Variants in ERBB4 observed in about 807,000 individuals in gnomAD.
ERBB4 encodes receptor tyrosine-protein kinase erbB-4.
In ERBB4, 42 loss-of-function variants were observed where a neutral mutation model predicts 158.0. That is an observed-to-expected ratio of 0.27 (90% CI 0.21 to 0.34). The LOEUF is 0.34. Among genes scored for constraint, ERBB4 ranks in the 10% least tolerant of loss-of-function variants. The pLI is 1.00. For synonymous variants in ERBB4, 583 were observed against 558.7 expected (o/e 1.04, Z -0.61); for missense variants, 1,333 against 1,624.1 (o/e 0.82, Z 3.08).
intron 2 of ERBB4, among the ~76,000 whole-genome samples, chr2:212,095,921 C>G (rs1363769449): frequency 7.8e-6 from 1 of 128,432 alleles, no homozygotes; most frequent in African/African-American, 2.9e-5. Context: ...GGCAACAGAG[C>G]GAGACTCTGT....
intron 2 of ERBB4, among the ~76,000 whole-genome samples, chr2:212,015,729 T>C (rs1575520220): frequency 6.6e-6 from 1 of 152,170 alleles, no homozygotes; most frequent in South Asian, 2.1e-4. Context: ...CAACCACCAA[T>C]AGTAAACTCA....
Position 212,118,069 on chromosome 2 carries a change from G to A in ERBB4, c.234+6683C>T, listed in dbSNP as rs187910395. Among the ~76,000 whole-genome samples the A allele has an allele frequency of 2.7e-4, 41 of 152,282 alleles. No homozygotes were observed. In the East Asian group the frequency reaches 6.6e-3, roughly 24 times the overall value. On this transcript the variant is annotated intron_variant, in intron 2 of 27. Transcript: ENST00000342788. ...CCCGGACACAGAGTTAAAAGTACAT[G>A]AGGAAGATATGGAAAACAGACACAA... is the stretch of plus-strand genomic sequence containing the variant.
At chr2:211,838,438 A>C (rs2105991263) in intron 3 of ERBB4, among the ~76,000 whole-genome samples, 1 of 152,214 alleles carries the variant, frequency 6.6e-6, no homozygotes, top group Middle Eastern at 3.4e-3. Flanking sequence ...AATGCAGAAT[A>C]TTTTCCACTT....
chr2:212,447,698 G>C (rs2092382733), intron 1 of ERBB4, among the ~76,000 whole-genome samples: 2 of 151,922 alleles, frequency 1.3e-5, no homozygotes, highest in South Asian at 4.1e-4. Context: ...ACACATTCCA[G>C]TATGGGCCAA....
chr2:212,465,936 C>A (rs529447844), intron 1 of ERBB4, among the ~76,000 whole-genome samples: 3 of 152,180 alleles, frequency 2.0e-5, no homozygotes, highest in African/African-American at 7.2e-5. Context: ...TCAAAAGTAA[C>A]ACAATAGCTA....
chr2:212,150,836 T>C (rs905292939), intron 1 of ERBB4, among the ~76,000 whole-genome samples: 1 of 152,200 alleles, frequency 6.6e-6, no homozygotes, highest in African/African-American at 2.4e-5. Flanking sequence ...TAACCTTCAA[T>C]GTAAGTTTCA....
rs577491822 is a variant in ERBB4, at chr2:211,381,208, C to T, written c.*2407G>A. ...CAAACCCTTCTCCTGCTCTACCATA[C>T]TTTTTCAGCTCGCCTCACTTCTTAT... On this transcript the variant is annotated 3_prime_UTR_variant, in exon 28 of 28. Coordinates refer to ENST00000342788, the MANE Select transcript of ERBB4 (RefSeq NM_005235.3). 34 of 232,308 alleles carry T rather than the reference C, an allele frequency of 1.5e-4. No homozygotes were observed. The East Asian group carries it at 2.0e-3, about 14-fold the overall frequency. 14.4% of individuals were successfully genotyped at this position (232,308 alleles called of 1,614,324 possible). A position where few individuals can be genotyped will look rare whatever the true frequency, so the allele number is the denominator to read the frequency against.
intron 1 of ERBB4, among the ~76,000 whole-genome samples, chr2:212,157,266 G>A (rs1414847149): frequency 2.6e-5 from 4 of 152,010 alleles, no homozygotes; most frequent in South Asian, 2.1e-4. Context: ...AACCTCAGCT[G>A]ATGTCTCTTG....
intron 3 of ERBB4, among the ~76,000 whole-genome samples, chr2:211,827,622 C>T (rs2077131932): frequency 6.7e-6 from 1 of 149,272 alleles, no homozygotes; most frequent in Non-Finnish European, 1.5e-5. Context: ...TGTCAAAAAA[C>T]TTAAGTAAAT....
chr2:211,707,208 T>C (rs1454613249), intron 9 of ERBB4, among the ~76,000 whole-genome samples: 1 of 152,178 alleles, frequency 6.6e-6, no homozygotes, highest in Non-Finnish European at 1.5e-5. Context: ...AATGTTAACA[T>C]GAAGCTCAGT....
In ERBB4 at chr2:212,224,030, T is replaced by G. The variant is rs939665; in HGVS notation, c.83-99127A>C. 1.1e-3 allele frequency among the ~76,000 whole-genome samples: 162 copies of G among 152,074 alleles called. No individual in the cohort carries two copies. In the East Asian group the frequency reaches 0.023, roughly 22 times the overall value. On this transcript the variant is annotated intron_variant, in intron 1 of 27. Coordinates refer to ENST00000342788, the MANE Select transcript of ERBB4 (RefSeq NM_005235.3). ...TAGTATTCAAAATTTTACAAAATTTTTATTTTATGCATATAAGCATTATCT... is the reference window on the plus strand; with the variant it reads ...TAGTATTCAAAATTTTACAAAATTTGTATTTTATGCATATAAGCATTATCT...
rs1034927475 is a variant in ERBB4 at position 211,379,647 on chromosome 2, C to T, written c.*3968G>A. 7 of 231,434 alleles carry T rather than the reference C, an allele frequency of 3.0e-5. No individual in the cohort carries two copies. The highest frequency in any genetic ancestry group is 5.1e-5 in the Non-Finnish European group (6 of 117,062). 14.3% of individuals were successfully genotyped at this position (231,434 alleles called of 1,614,324 possible). A position where few individuals can be genotyped will look rare whatever the true frequency, so the allele number is the denominator to read the frequency against. Reference sequence around the variant, plus strand: ...ATTAAAATCATTTAACATCTGATAACCTAACTAAATCTACATCTTATAGCA... The same window carrying T: ...ATTAAAATCATTTAACATCTGATAATCTAACTAAATCTACATCTTATAGCA... On this transcript the variant is annotated 3_prime_UTR_variant, in exon 28 of 28. Transcript: ENST00000342788.
chr2:211,888,361 T>C (rs190741397), intron 3 of ERBB4, among the ~76,000 whole-genome samples: 36 of 152,322 alleles, frequency 2.4e-4, no homozygotes, highest in African/African-American at 8.4e-4. Flanking sequence ...TTATCAACCA[T>C]TGGATAAACA....
chr2:212,158,110 G>GC (rs2081095764), intron 1 of ERBB4, among the ~76,000 whole-genome samples: 1 of 151,992 alleles, frequency 6.6e-6, no homozygotes, highest in Non-Finnish European at 1.5e-5. Flanking sequence ...TTGTCTCACT[G>GC]AATCCTTTGA....
intron 16 of ERBB4, among the ~76,000 whole-genome samples, chr2:211,656,595 C>G (rs2105896993): frequency 6.6e-6 from 1 of 152,272 alleles, no homozygotes; most frequent in African/African-American, 2.4e-5. Context: ...AAGAATAGTT[C>G]CATTATCTCC....
chr2:211,613,983 G>A lies in ERBB4; in HGVS notation c.2301+5194C>T, dbSNP rs558023659. On this transcript the variant is annotated intron_variant, in intron 19 of 27. Coordinates refer to ENST00000342788, the MANE Select transcript of ERBB4 (RefSeq NM_005235.3). Reference sequence around the variant, plus strand: ...TATCTGCACTCCTATGATTGTTGCAGCACTACTTACAATAGGTTAGATTTG... The same window carrying A: ...TATCTGCACTCCTATGATTGTTGCAACACTACTTACAATAGGTTAGATTTG... 4.6e-5 allele frequency among the ~76,000 whole-genome samples: 7 copies of A among 152,178 alleles called. No individual in the cohort carries two copies. In the East Asian group the frequency reaches 1.2e-3, roughly 25 times the overall value.
At chr2:212,404,005 T>C (rs189149309) in intron 1 of ERBB4, among the ~76,000 whole-genome samples, 1 of 152,048 alleles carries the variant, frequency 6.6e-6, no homozygotes, top group Admixed American at 6.6e-5. Flanking sequence ...CATTGTAGAC[T>C]GAACGTTTCA....
chr2:211,496,040 T>C (rs1016454882), intron 20 of ERBB4, among the ~76,000 whole-genome samples: 2 of 152,108 alleles, frequency 1.3e-5, no homozygotes, highest in Non-Finnish European at 2.9e-5. Flanking sequence ...TAGTTGATCA[T>C]TCTCTCCTTC....
intron 3 of ERBB4, among the ~76,000 whole-genome samples, chr2:211,836,947 G>GT (rs1398560174): frequency 6.6e-6 from 1 of 151,854 alleles, no homozygotes; most frequent in Non-Finnish European, 1.5e-5. Context: ...TAAGAGAAAA[G>GT]TTTTTTAAAA....
Sources: gnomAD v4.1 joint callset for allele counts (sites outside exome capture counted in the v4.1 genomes callset) on GRCh38, gnomAD v4.1.1 for gene constraint, MANE v1.5 for transcripts, NCBI Gene and HGNC (gene_info 2026-07-23, HGNC 2026-07-21) for gene names.